The following CACNA1C variants were observed in gnomAD, a reference collection of about 807,000 sequenced individuals.
CACNA1C encodes voltage-dependent L-type calcium channel subunit alpha-1C.
In CACNA1C, 30 loss-of-function variants were observed where a neutral mutation model predicts 229.0. The ratio of observed to expected loss-of-function variants is 0.13; its 90% CI spans 0.10 to 0.18. The LOEUF is 0.18. Ranked by LOEUF, CACNA1C falls within the 10% of genes least tolerant of loss-of-function variation. The pLI is 1.00. For synonymous variants in CACNA1C, 1,114 were observed against 1,132.5 expected, an observed-to-expected ratio of 0.98 and a Z score of 0.33; for missense variants, 1,658 against 2,845.0, an observed-to-expected ratio of 0.58 and a Z score of 9.49.
chr12:2,209,019 G>A (rs2097842987), intron 3 of CACNA1C, among the ~76,000 whole-genome samples: 1 of 152,154 alleles, frequency 6.6e-6, no homozygotes, highest in African/African-American at 2.4e-5. Context: ...GCAAAGCTGA[G>A]GGCCGCAGAG....
At chr12:2,304,347 G>A (rs926259236) in intron 3 of CACNA1C, among the ~76,000 whole-genome samples, 1 of 152,062 alleles carries the variant, frequency 6.6e-6, no homozygotes, top group Non-Finnish European at 1.5e-5. Flanking sequence ...CTTCCTTCAG[G>A]GTCAGGCTTC....
Position 2,354,497 on chromosome 12 carries a change from A to C in CACNA1C, c.478-94479A>C, listed in dbSNP as rs1297518683. Reference sequence around the variant, plus strand: ...GAGACTGTTGAGAAGGGGACGGAGAACCTCACCAGCAGCTGAATTGAATTC... The same window carrying C: ...GAGACTGTTGAGAAGGGGACGGAGACCCTCACCAGCAGCTGAATTGAATTC... On this transcript the variant is annotated intron_variant, in intron 3 of 46. Transcript: ENST00000399655. The surrounding 1 kb of genome is among the most constrained non-coding windows in gnomAD (Gnocchi z 4.6). Among the ~76,000 whole-genome samples, 1 of 152,148 alleles carries C rather than the reference A, an allele frequency of 6.6e-6. No homozygotes were observed. Among genetic ancestry groups the C allele is most frequent in the Non-Finnish European group, 1.5e-5 (1 of 68,030 alleles).
chr12:2,464,660 C>G (rs1387165610), intron 5 of CACNA1C, among the ~76,000 whole-genome samples: 7 of 152,196 alleles, frequency 4.6e-5, no homozygotes, highest in Non-Finnish European at 1.5e-5. Context: ...TGAGTCTTTA[C>G]AAGATTAGAT....
chr12:2,236,460 T>C (rs1388216321), intron 3 of CACNA1C, among the ~76,000 whole-genome samples: 1 of 152,226 alleles, frequency 6.6e-6, no homozygotes, highest in Non-Finnish European at 1.5e-5. Context: ...TGATCAACTA[T>C]AGTAGCAGTT....
At position 2,602,925 on chromosome 12, in the gene CACNA1C, G is replaced by T. The variant is rs2073462820; in HGVS notation, c.2960+965G>T. Among the ~76,000 whole-genome samples, 1 of 152,178 alleles carries T rather than the reference G, an allele frequency of 6.6e-6. No individual in the cohort carries two copies. On this transcript the variant is annotated intron_variant, in intron 22 of 46. Transcript: ENST00000399655. The surrounding 1 kb of genome is among the most constrained non-coding windows in gnomAD (Gnocchi z 4.4). ...AGACGGGGCAAGTGTTATCATGATT[G>T]TATAGATGGGAAATTTGGAGTTCAG...
intron 3 of CACNA1C, among the ~76,000 whole-genome samples, chr12:2,320,116 G>C (rs2095900096): frequency 6.6e-6 from 1 of 152,174 alleles, no homozygotes; most frequent in Non-Finnish European, 1.5e-5. Context: ...CCCTGCCTGA[G>C]GATAAGCCAC....
chr12:2,459,043 C>T (rs1027007272), intron 5 of CACNA1C, among the ~76,000 whole-genome samples: 2 of 140,654 alleles, frequency 1.4e-5, no homozygotes, highest in Non-Finnish European at 3.0e-5. Flanking sequence ...AGTACAGTGG[C>T]ACAATCTCAG....
At chr12:2,371,746 T>A (rs567404380) in intron 3 of CACNA1C, among the ~76,000 whole-genome samples, 446 of 129,848 alleles carry the variant, frequency 3.4e-3, no homozygotes, top group South Asian at 0.016. Flanking sequence ...TTTTTTTTTT[T>A]AATCTCGGAC....
intron 1 of CACNA1C, among the ~76,000 whole-genome samples, chr12:2,005,542 T>G (rs948902559): frequency 7.2e-5 from 11 of 152,234 alleles, no homozygotes; most frequent in African/African-American, 2.2e-4. Flanking sequence ...TTTTTAAGCC[T>G]TCAAGCCAGA....
In CACNA1C at chr12:2,450,722, C is replaced by A. The variant is rs150453662; in HGVS notation, c.617+1607C>A. On this transcript the variant is annotated intron_variant, in intron 4 of 46. Coordinates refer to ENST00000399655, the MANE Select transcript of CACNA1C (RefSeq NM_000719.7). ...CAGTGAGTGCTCAAGTGGCTGCCAC[C>A]TTGGACTCTCCCTCTCTTGAAGTCC... Among the ~76,000 whole-genome samples the A allele has an allele frequency of 3.5e-3, 532 of 152,218 alleles. 3 individuals carry two copies. Among genetic ancestry groups the A allele is most frequent in the African/African-American group, 0.012 (498 of 41,510 alleles).
intron 1 of CACNA1C, among the ~76,000 whole-genome samples, chr12:2,061,325 A>C (rs2057409418): frequency 6.6e-6 from 1 of 152,216 alleles, no homozygotes; most frequent in Non-Finnish European, 1.5e-5. Flanking sequence ...ACAGCATTTC[A>C]AACAACTTTG....
intron 3 of CACNA1C, among the ~76,000 whole-genome samples, chr12:2,246,753 C>T (rs769184780): frequency 1.3e-5 from 2 of 152,182 alleles, no homozygotes; most frequent in Non-Finnish European, 2.9e-5. Flanking sequence ...AAGCTTTTCT[C>T]CTGGTCCACA....
At chr12:2,217,420 A>G (rs1013957458) in intron 3 of CACNA1C, 5 of 152,252 alleles carry the variant, frequency 3.3e-5, no homozygotes, top group African/African-American at 1.2e-4. Context: ...AATTTATGTT[A>G]CATGTATATA....
At chr12:2,305,829 CA>C (rs2094963009) in intron 3 of CACNA1C, among the ~76,000 whole-genome samples, 1 of 152,190 alleles carries the variant, frequency 6.6e-6, no homozygotes. Flanking sequence ...GGTGACATAG[CA>C]AGACTTTGTC....
chr12:2,468,497 C>G (rs987058524), intron 5 of CACNA1C, among the ~76,000 whole-genome samples: 20 of 152,316 alleles, frequency 1.3e-4, no homozygotes, highest in Admixed American at 2.6e-4. Context: ...TCCAGGCTAT[C>G]TAGTTCAGAC....
Position 2,654,880 on chromosome 12 carries a change from G to A in CACNA1C, c.4141-267G>A, listed in dbSNP as rs545766672. Among the ~76,000 whole-genome samples, 3 of 152,264 alleles carry A rather than the reference G, an allele frequency of 2.0e-5. No homozygotes were observed. The highest frequency in any genetic ancestry group is 6.5e-5 in the Admixed American group (1 of 15,296). On this transcript the variant is annotated intron_variant, in intron 33 of 46. Transcript: ENST00000399655. The surrounding 1 kb of genome is among the most constrained non-coding windows in gnomAD (Gnocchi z 4.4). ...CAGGATCCCGGTCCCAGCATCCACCGCTCTCAGCCCCAGCTCCCACTGGGC... is the reference window on the plus strand; with the variant it reads ...CAGGATCCCGGTCCCAGCATCCACCACTCTCAGCCCCAGCTCCCACTGGGC...
chr12:2,052,893 C>CCGGGCGGGCGGGCGGGCGGG (rs530020760), upstream of CACNA1C: 1 of 732,180 alleles, frequency 1.4e-6, no homozygotes, highest in African/African-American at 1.9e-5. Context: ...CTCCGGCGCG[C>CCGGGCGGGCGGGCGGGCGGG]CGGGCGGGCG....
intron 1 of CACNA1C, among the ~76,000 whole-genome samples, chr12:2,043,849 G>T (rs2050611267): frequency 6.8e-6 from 1 of 146,488 alleles, no homozygotes; most frequent in South Asian, 2.2e-4. Flanking sequence ...TAGAGACGGG[G>T]TTTCACCTTG....
intron 38 of CACNA1C, chr12:2,672,354 A>T (rs1603443077): frequency 1.3e-5 from 2 of 151,720 alleles, no homozygotes; most frequent in South Asian, 2.1e-4. Flanking sequence ...TAAGGCTGAT[A>T]AAAAAAAATG....
Sources: allele counts gnomAD v4.1 joint callset (sites outside exome capture counted in the v4.1 genomes callset), GRCh38; gene constraint gnomAD v4.1.1; non-coding constraint Gnocchi (gnomAD v3.1); transcripts MANE v1.5; gene names NCBI Gene and HGNC (gene_info 2026-07-23, HGNC 2026-07-21).